COBL: variants seen among roughly 807,000 people sequenced by gnomAD.
COBL encodes the protein protein cordon-bleu.
Under a neutral mutation model 98.8 loss-of-function variants are expected in COBL, and 51 were observed. The observed-to-expected ratio is 0.52, with a 90% CI of 0.41 to 0.65. The LOEUF (loss-of-function observed/expected upper bound fraction) is 0.65, where lower values mean the gene tolerates loss of function less well. COBL is among the 30% of genes least tolerant of loss of function. The pLI is 0.00. For missense variants in COBL, 1,617 were observed against 1,617.5 expected (o/e 1.00, Z 0.01); for synonymous variants, 634 against 651.7 (o/e 0.97, Z 0.41).
At chr7:51,301,498 C>G (rs966492491) in intron 1 of COBL, among the ~76,000 whole-genome samples, 1 of 152,238 alleles carries the variant, frequency 6.6e-6, no homozygotes, top group African/African-American at 2.4e-5. Context: ...CCTTGTCTCT[C>G]AGGCCTGGGC....
chr7:51,189,832 T>A (rs188233201), intron 4 of COBL, among the ~76,000 whole-genome samples: 1 of 152,340 alleles, frequency 6.6e-6, no homozygotes, highest in Admixed American at 6.5e-5. Context: ...TCCATTTTGA[T>A]CATTCTAAGG....
At chr7:51,139,428 T>TC (rs986303164) in intron 5 of COBL, among the ~76,000 whole-genome samples, 1 of 152,180 alleles carries the variant, frequency 6.6e-6, no homozygotes, top group Non-Finnish European at 1.5e-5. Flanking sequence ...GACAATGGGC[T>TC]CCTCATGAGG....
At chr7:51,268,508 C>T (rs1223630571) in intron 1 of COBL, among the ~76,000 whole-genome samples, 1 of 152,194 alleles carries the variant, frequency 6.6e-6, no homozygotes, top group African/African-American at 2.4e-5. Flanking sequence ...AGAAGAGTTA[C>T]TAAGCATTCA....
intron 1 of COBL, among the ~76,000 whole-genome samples, chr7:51,298,473 C>T (rs315100): frequency 0.55 from 83,621 of 152,114 alleles, 23,395 homozygotes; most frequent in African/African-American, 0.65. Flanking sequence ...ACATTCTCCA[C>T]CATTTCTGAG....
intron 7 of COBL, among the ~76,000 whole-genome samples, chr7:51,046,503 C>T (rs1789716348): frequency 6.6e-6 from 1 of 152,194 alleles, no homozygotes; most frequent in African/African-American, 2.4e-5. Flanking sequence ...ATCAGACATG[C>T]CCATCTCACT....
At chr7:51,042,386 G>A (rs1789284008) in intron 8 of COBL, among the ~76,000 whole-genome samples, 1 of 152,140 alleles carries the variant, frequency 6.6e-6, no homozygotes, top group Non-Finnish European at 1.5e-5. Context: ...TTGAGACTGA[G>A]TCTTGTTCTA....
intron 7 of COBL, among the ~76,000 whole-genome samples, chr7:51,074,067 C>T (rs1295402): frequency 0.16 from 24,520 of 152,064 alleles, 2,260 homozygotes; most frequent in East Asian, 0.32. Context: ...TAAAGAAGGG[C>T]CATGCCTGAG....
chr7:51,177,751 C>T lies in COBL; in HGVS notation c.783+6351G>A, dbSNP rs545139059. On this transcript the variant is annotated intron_variant, in intron 5 of 12. Coordinates refer to ENST00000265136, the MANE Select transcript of COBL (RefSeq NM_015198.5). ...TCATGCCACTGCACTCCAGTCTGGG[C>T]GACAGAGAGGACTCTGTCTCAAAAA... is the stretch of plus-strand genomic sequence containing the variant. 1.3e-4 allele frequency among the ~76,000 whole-genome samples: 19 copies of T among 147,698 alleles called. No homozygotes were observed. In the South Asian group the frequency reaches 1.5e-3, roughly 12 times the overall value.
intron 5 of COBL, among the ~76,000 whole-genome samples, chr7:51,141,545 AGAAAGAT>A (rs1482096254): frequency 6.6e-6 from 1 of 152,218 alleles, no homozygotes; most frequent in Non-Finnish European, 1.5e-5. Flanking sequence ...AGAATAAACT[AGAAAGAT>A]GAAACTAGAA....
intron 7 of COBL, among the ~76,000 whole-genome samples, chr7:51,068,058 G>C (rs930543042): frequency 1.3e-5 from 2 of 152,332 alleles, no homozygotes; most frequent in South Asian, 2.1e-4. Flanking sequence ...CTCCTGACTA[G>C]AGCCAGCAAT....
intron 2 of COBL, among the ~76,000 whole-genome samples, chr7:51,218,497 T>C (rs1793309736): frequency 6.6e-6 from 1 of 152,204 alleles, no homozygotes; most frequent in Non-Finnish European, 1.5e-5. Context: ...TTTCTGGAGA[T>C]GAAGTTTCAC....
chr7:51,136,411 G>T, intron 5 of COBL, 80 bp from the exon 6 acceptor site: 1 of 1,410,882 alleles, frequency 7.1e-7, no homozygotes, highest in Non-Finnish European at 9.5e-7. Flanking sequence ...TGAAGACAAA[G>T]TTCCAATCCG....
chr7:51,147,920 T>C (rs1309688493), intron 5 of COBL, among the ~76,000 whole-genome samples: 1 of 151,798 alleles, frequency 6.6e-6, no homozygotes, highest in Non-Finnish European at 1.5e-5. Flanking sequence ...CCAGCTAAGT[T>C]TTTTGCATTT....
In COBL at chr7:51,016,570, A is replaced by G. The variant is rs1371218762; in HGVS notation, c.*981T>C. 1.1e-5 allele frequency: 2 copies of G among 188,952 alleles called. No homozygotes were observed. The highest frequency in any genetic ancestry group is 2.2e-5 in the Non-Finnish European group (2 of 92,782). The allele number at this position is 188,952 out of a possible 1,614,324, so 11.7% of individuals were successfully genotyped here. The stretch of plus-strand genomic sequence containing the variant: ...TGTGAGAAGACCACGATATCATACA[A>G]AGGGAGCCAATGAGCTGTTGGACAA... On this transcript the variant is annotated 3_prime_UTR_variant, in exon 13 of 13. Coordinates refer to ENST00000265136, the MANE Select transcript of COBL (RefSeq NM_015198.5).
chr7:51,126,102 C>A (rs1443828509), intron 6 of COBL, among the ~76,000 whole-genome samples: 1 of 152,132 alleles, frequency 6.6e-6, no homozygotes. Context: ...CCGAGGTGAA[C>A]AGATTACTTG....
intron 7 of COBL, among the ~76,000 whole-genome samples, chr7:51,060,174 C>T (rs1267328744): frequency 6.6e-6 from 1 of 152,184 alleles, no homozygotes; most frequent in East Asian, 1.9e-4. Context: ...CCAGATCTCA[C>T]AATGAAAGGT....
intron 1 of COBL, among the ~76,000 whole-genome samples, chr7:51,262,814 T>C (rs1388330401): frequency 6.6e-6 from 1 of 152,126 alleles, no homozygotes; most frequent in Non-Finnish European, 1.5e-5. Flanking sequence ...ATGAAGAAGC[T>C]GTCCTTCCCT....
chr7:51,200,466 C>G (rs530873240), intron 2 of COBL, among the ~76,000 whole-genome samples: 2 of 152,238 alleles, frequency 1.3e-5, no homozygotes, highest in African/African-American at 2.4e-5. Flanking sequence ...AAAATAAAAT[C>G]TGACATCAGT....
intron 6 of COBL, among the ~76,000 whole-genome samples, chr7:51,100,488 T>C (rs566735807): frequency 2.6e-5 from 4 of 152,334 alleles, no homozygotes; most frequent in East Asian, 3.9e-4. Context: ...GAATCCACAT[T>C]GGTTAGCTGA....
Sources: gnomAD v4.1 joint callset for allele counts (sites outside exome capture counted in the v4.1 genomes callset) on GRCh38, gnomAD v4.1.1 for gene constraint, MANE v1.5 for transcripts, NCBI Gene and HGNC (gene_info 2026-07-23, HGNC 2026-07-21) for gene names.